The following CYP4Z1 variants were observed in gnomAD, a reference collection of about 807,000 sequenced individuals.
CYP4Z1 encodes the protein cytochrome P450 family 4 subfamily Z member 1, also known as cytochrome P450 4Z1.
A neutral mutation model predicts 54.2 loss-of-function variants in CYP4Z1; 41 were observed. That is an observed-to-expected ratio of 0.76 (90% CI 0.59 to 0.98). The LOEUF is 0.98. CYP4Z1 is among the 50% of genes least tolerant of loss of function. The pLI is 0.00. For synonymous variants in CYP4Z1, 163 were observed against 206.2 expected, an observed-to-expected ratio of 0.79 and a Z score of 1.79; for missense variants, 513 against 599.0, an observed-to-expected ratio of 0.86 and a Z score of 1.50.
intron 9 of CYP4Z1, among the ~76,000 whole-genome samples, chr1:47,112,339 A>G (rs1226043073): frequency 2.0e-5 from 3 of 152,202 alleles, no homozygotes; most frequent in Non-Finnish European, 2.9e-5. Flanking sequence ...AAGCATGCCA[A>G]TTTTCACAGG....
intron 6 of CYP4Z1, among the ~76,000 whole-genome samples, chr1:47,089,741 T>A (rs1644625108): frequency 6.6e-6 from 1 of 152,208 alleles, no homozygotes; most frequent in South Asian, 2.1e-4. Context: ...AACAAGCTAT[T>A]TTTTTGAGAA....
At chr1:47,065,750 T>C (rs960860915), upstream of CYP4Z1, among the ~76,000 whole-genome samples, 2 of 151,986 alleles carry the variant, frequency 1.3e-5, no homozygotes, top group Admixed American at 6.6e-5. Context: ...CCTGGTTCTT[T>C]GAAGAGATAA....
chr1:47,067,353 C>CTT lies in CYP4Z1; in HGVS notation c.-137_-136dup. ...GCAGACTTAATTAGGCTTCCTCTTC[C>CTT]TTATGTCCCCTCCCTGAATATGGCA... On this transcript the variant is annotated 5_prime_UTR_variant, in exon 1 of 12. Coordinates refer to ENST00000334194, the MANE Select transcript of CYP4Z1 (RefSeq NM_178134.3). 1 of 677,704 alleles carries CTT rather than the reference C, an allele frequency of 1.5e-6. No homozygotes were observed. The highest frequency in any genetic ancestry group is 2.2e-6 in the Non-Finnish European group (1 of 450,976). The allele number at this position is 677,704 out of a possible 1,614,324, so 42.0% of individuals were successfully genotyped here.
upstream of CYP4Z1, among the ~76,000 whole-genome samples, chr1:47,062,568 G>A (rs560516757): frequency 9.9e-5 from 15 of 152,160 alleles, no homozygotes; most frequent in Admixed American, 2.6e-4. Flanking sequence ...TCTGACTACC[G>A]GCTTTCCCCC....
intron 8 of CYP4Z1, among the ~76,000 whole-genome samples, chr1:47,104,247 T>G (rs1268893127): frequency 6.6e-6 from 1 of 152,238 alleles, no homozygotes; most frequent in Non-Finnish European, 1.5e-5. Context: ...TGTGATTTAC[T>G]CAGTGGCTTA....
chr1:47,108,473 C>A (rs1341547784), intron 9 of CYP4Z1, among the ~76,000 whole-genome samples: 1 of 152,100 alleles, frequency 6.6e-6, no homozygotes, highest in African/African-American at 2.4e-5. Context: ...GCCAGACCCA[C>A]CTCTTCCCCT....
chr1:47,097,958 G>A (rs1192147346), intron 7 of CYP4Z1, among the ~76,000 whole-genome samples: 1 of 151,488 alleles, frequency 6.6e-6, no homozygotes, highest in East Asian at 1.9e-4. Flanking sequence ...TGGGATTACA[G>A]ATGCCAACCA....
rs1475425929 is a variant in CYP4Z1 at position 47,084,834 on chromosome 1, T to A, written c.628T>A (p.Ser210Thr). Residue 210 changes from serine (S) to threonine (T), a missense_variant, in exon 6 of 12, where the codon TCA becomes ACA. Ser to Thr is a moderately conservative substitution (Grantham distance 58). Transcript: ENST00000334194. ...GSIQLDSTLD[S>T]YLKAVFNLSK... is the part of the protein sequence containing the mutation. Reference sequence around the variant, plus strand: ...TCTTCCCTATTCCAGTACCCTGGACTCATACCTGAAAGCAGTGTTCAACCT... The same window carrying A: ...TCTTCCCTATTCCAGTACCCTGGACACATACCTGAAAGCAGTGTTCAACCT... The A allele has an allele frequency of 1.3e-6, 2 of 1,529,242 alleles. No homozygotes were observed. The highest frequency in any genetic ancestry group is 2.8e-5 in the African/African-American group (2 of 71,388). 94.7% of individuals were successfully genotyped at this position (1,529,242 alleles called of 1,614,324 possible).
chr1:47,109,584 T>C (rs191123514), intron 9 of CYP4Z1, among the ~76,000 whole-genome samples: 4 of 152,342 alleles, frequency 2.6e-5, no homozygotes, highest in African/African-American at 7.2e-5. Flanking sequence ...TGCTGACAGA[T>C]TGTGACTCAA....
Position 47,067,341 on chromosome 1 carries a change from G to C in CYP4Z1, c.-150G>C. 1 of 591,950 alleles carries C rather than the reference G, an allele frequency of 1.7e-6. No homozygotes were observed. Among genetic ancestry groups the C allele is most frequent in the South Asian group, 4.6e-5 (1 of 21,934 alleles). 36.7% of individuals were successfully genotyped at this position (591,950 alleles called of 1,614,324 possible). ...AGTTTTCACCCTGCAGACTTAATTA[G>C]GCTTCCTCTTCCTTATGTCCCCTCC... On this transcript the variant is annotated 5_prime_UTR_variant, in exon 1 of 12. Transcript: ENST00000334194.
intron 9 of CYP4Z1, among the ~76,000 whole-genome samples, chr1:47,115,107 T>C (rs1356325996): frequency 6.6e-6 from 1 of 152,218 alleles, no homozygotes; most frequent in Non-Finnish European, 1.5e-5. Context: ...TATGGAATAC[T>C]ATGCAGCCAT....
In CYP4Z1 at chr1:47,088,548, T is replaced by C. The variant is rs1644614535; in HGVS notation, c.772+3570T>C. Among the ~76,000 whole-genome samples the C allele has an allele frequency of 2.0e-5, 3 of 151,754 alleles. No homozygotes were observed. The South Asian group carries it at 6.2e-4, about 32-fold the overall frequency. On this transcript the variant is annotated intron_variant, in intron 6 of 11. Coordinates refer to ENST00000334194, the MANE Select transcript of CYP4Z1 (RefSeq NM_178134.3). The stretch of plus-strand genomic sequence containing the variant: ...TGTGGGATTGGTGGTGACATCCCTT[T>C]ATCATTTTTTTTTCGTCTATTTGAT...
intron 6 of CYP4Z1, among the ~76,000 whole-genome samples, chr1:47,088,965 T>G (rs1031439333): frequency 1.3e-5 from 2 of 149,374 alleles, no homozygotes; most frequent in African/African-American, 5.1e-5. Context: ...ATTTTGCTTA[T>G]GTAGTCTGAA....
chr1:47,108,534 C>A (rs1268528007), intron 9 of CYP4Z1, among the ~76,000 whole-genome samples: 1 of 152,038 alleles, frequency 6.6e-6, no homozygotes, highest in Non-Finnish European at 1.5e-5. Flanking sequence ...GTTTATGATG[C>A]CTGCTTTCTC....
chr1:47,096,827 A>C (rs1029239820), intron 7 of CYP4Z1: 25 of 151,976 alleles, frequency 1.6e-4, no homozygotes, highest in Middle Eastern at 3.4e-3. Context: ...ACGGGGTTTC[A>C]CCATATTGGC....
intron 2 of CYP4Z1, among the ~76,000 whole-genome samples, chr1:47,079,790 G>T (rs1270225011): frequency 6.6e-6 from 1 of 151,086 alleles, no homozygotes; most frequent in African/African-American, 2.4e-5. Flanking sequence ...GATTTGCTGG[G>T]GTCCTGAGGT....
At chr1:47,088,123 C>G (rs1388449861) in intron 6 of CYP4Z1, among the ~76,000 whole-genome samples, 1 of 152,164 alleles carries the variant, frequency 6.6e-6, no homozygotes, top group Non-Finnish European at 1.5e-5. Context: ...ATTTTTGCAT[C>G]AATGTTCATC....
At chr1:47,076,899 C>T (rs543848543) in intron 2 of CYP4Z1, among the ~76,000 whole-genome samples, 2 of 147,348 alleles carry the variant, frequency 1.4e-5, no homozygotes. Flanking sequence ...TGTGAATTTT[C>T]CCGTTTTACT....
chr1:47,082,361 C>T lies in CYP4Z1; in HGVS notation c.392C>T (p.Ser131Phe). The T allele has an allele frequency of 6.2e-7, 1 of 1,611,768 alleles. No individual in the cohort carries two copies. The highest frequency in any genetic ancestry group is 8.5e-7 in the Non-Finnish European group (1 of 1,179,066). Residue 131 changes from serine to phenylalanine, a missense_variant, in exon 4 of 12, where the codon TCT becomes TTT. Coordinates refer to ENST00000334194, the MANE Select transcript of CYP4Z1 (RefSeq NM_178134.3). ...CGAGGACTTGTGACCCTGGATGGTTCTAAATGGAAAAAGCACCGCCAGATT... is the reference window on the plus strand; with the variant it reads ...CGAGGACTTGTGACCCTGGATGGTTTTAAATGGAAAAAGCACCGCCAGATT... ...VGRGLVTLDGSKWKKHRQIVK... is the reference protein window; with the variant it reads ...VGRGLVTLDGFKWKKHRQIVK...
Sources: gnomAD v4.1 joint callset for allele counts (sites outside exome capture counted in the v4.1 genomes callset) on GRCh38, gnomAD v4.1.1 for gene constraint, MANE v1.5 for transcripts, NCBI Gene and HGNC (gene_info 2026-07-23, HGNC 2026-07-21) for gene names.